Variants in COQ4 observed in about 807,000 individuals in gnomAD.
The protein encoded by COQ4 is coenzyme Q4.
A neutral mutation model predicts 30.2 loss-of-function variants in COQ4; 36 were observed. The ratio of observed to expected loss-of-function variants is 1.19; its 90% CI spans 0.91 to 1.57. The LOEUF is 1.57. Ranked by LOEUF, COQ4 falls within the 40% of genes most tolerant of loss-of-function variation. COQ4 has a pLI of 0.00. For synonymous variants in COQ4, 197 were observed against 161.0 expected, an observed-to-expected ratio of 1.22 and a Z score of -1.69; for missense variants, 369 against 371.9, an observed-to-expected ratio of 0.99 and a Z score of 0.07.
At chr9:128,330,099 G>A (rs1032954430) in intron 4 of COQ4, among the ~76,000 whole-genome samples, 3 of 151,976 alleles carry the variant, frequency 2.0e-5, no homozygotes, top group Non-Finnish European at 2.9e-5. Flanking sequence ...GGCTGGGCAC[G>A]GTGGCTCACA....
At chr9:128,330,010 A>G (rs1169236467) in intron 4 of COQ4, among the ~76,000 whole-genome samples, 1 of 152,156 alleles carries the variant, frequency 6.6e-6, no homozygotes, top group African/African-American at 2.4e-5. Context: ...AGGTAAAAGA[A>G]TAAGTGAAAC....
At chr9:128,327,336 G>A (rs1021711768) in intron 4 of COQ4, among the ~76,000 whole-genome samples, 1 of 151,850 alleles carries the variant, frequency 6.6e-6, no homozygotes, top group Non-Finnish European at 1.5e-5. Context: ...CCAGCTACTC[G>A]GGAGGCTGAG....
At chr9:128,327,365 C>T (rs1403507787) in intron 4 of COQ4, among the ~76,000 whole-genome samples, 1 of 152,014 alleles carries the variant, frequency 6.6e-6, no homozygotes, top group Non-Finnish European at 1.5e-5. Flanking sequence ...ATTGATTGAA[C>T]CCGGGAGGCA....
At chr9:128,327,408 A>T (rs1588540354) in intron 4 of COQ4, among the ~76,000 whole-genome samples, 1 of 152,210 alleles carries the variant, frequency 6.6e-6, no homozygotes, top group Non-Finnish European at 1.5e-5. Flanking sequence ...ACACCACTGC[A>T]CTCCAGCCTG....
At chr9:128,326,534 C>T (rs1367813153) in intron 4 of COQ4, 5 of 152,230 alleles carry the variant, frequency 3.3e-5, no homozygotes, top group Admixed American at 3.3e-4. Context: ...GCTCCGCCTC[C>T]CAGGTACACG....
Position 128,323,711 on chromosome 9 carries a change from G to C in COQ4, c.202+564G>C, listed in dbSNP as rs1238791429. 3 of 183,366 alleles carry C rather than the reference G, an allele frequency of 1.6e-5. No individual in the cohort carries two copies. In the East Asian group the frequency reaches 4.1e-4, roughly 25 times the overall value. The allele number at this position is 183,366 out of a possible 1,614,324, so 11.4% of individuals were successfully genotyped here. The stretch of plus-strand genomic sequence containing the variant: ...GTGGCTCACGCCTATAATCCCTATC[G>C]GGGGGCCGAAGCGGGCAGATGGCTT... On this transcript the variant is annotated intron_variant, in intron 2 of 6. Transcript: ENST00000300452.
Position 128,333,465 on chromosome 9 carries a change from G to T in COQ4, c.627-9G>T. The T allele has an allele frequency of 2.0e-6, 3 of 1,504,336 alleles. No homozygotes were observed. Among genetic ancestry groups the T allele is most frequent in the Non-Finnish European group, 8.9e-7 (1 of 1,127,216 alleles). The allele number at this position is 1,504,336 out of a possible 1,614,324, so 93.2% of individuals were successfully genotyped here. On this transcript the variant is annotated splice_polypyrimidine_tract_variant and intron_variant, in intron 6 of 6. Transcript: ENST00000300452. The stretch of plus-strand genomic sequence containing the variant: ...CTTGATGTTTTCTTTTTCCTCTGCT[G>T]CCCCACAGGAGCCTGCAAGTGCTGG...
intron 6 of COQ4, 57 bp downstream of exon 6, chr9:128,333,000 A>G (rs1832440997): frequency 2.3e-6 from 3 of 1,282,172 alleles, no homozygotes; most frequent in Non-Finnish European, 3.4e-6. Flanking sequence ...GACAGAACTC[A>G]GAGGGACCAG....
At chr9:128,329,979 G>C in intron 4 of COQ4, among the ~76,000 whole-genome samples, 1 of 152,152 alleles carries the variant, frequency 6.6e-6, no homozygotes, top group Non-Finnish European at 1.5e-5. Context: ...CATTCATCCA[G>C]GCCCTGGATC....
chr9:128,325,436 G>A (rs888071349), intron 3 of COQ4, among the ~76,000 whole-genome samples, 197 bp downstream of exon 3: 1 of 152,222 alleles, frequency 6.6e-6, no homozygotes, highest in Non-Finnish European at 1.5e-5. Flanking sequence ...TCCGAGTTGT[G>A]CAGTGTGATA....
intron 5 of COQ4, 72 bp downstream of exon 5, chr9:128,332,354 C>T (rs1832429142): frequency 6.5e-7 from 1 of 1,529,566 alleles, no homozygotes; most frequent in African/African-American, 1.4e-5. Flanking sequence ...TTGCCTATCT[C>T]CACCACCCTC....
Position 128,323,026 on chromosome 9 carries a change from C to G in COQ4, c.81C>G (p.Leu27=), listed in dbSNP as rs756669810. The G allele has an allele frequency of 8.4e-5, 136 of 1,611,936 alleles. No homozygotes were observed. The highest frequency in any genetic ancestry group is 1.1e-4 in the Non-Finnish European group (135 of 1,179,786). ...GLQRPAAEMP[L]RARSDGAGPL... ...TTTCTTGCCCCGCAGAAATGCCCCT[C>G]CGGGCTAGGAGCGACGGCGCCGGCC... Residue 27 remains leucine, a synonymous_variant, in exon 2 of 7, where the codon CTC becomes CTG. Coordinates refer to ENST00000300452, the MANE Select transcript of COQ4 (RefSeq NM_016035.5).
In COQ4 at chr9:128,333,604, G is replaced by A; in HGVS notation, c.757G>A (p.Gly253Ser). ...CCTGAGGGCTCTGCGGGAGGAGCTG[G>A]GCATTACAGCACCACCCATGCACGT... ...QSLRALREEL[G>S]ITAPPMHVQG... is the part of the protein sequence containing the mutation. Residue 253 changes from glycine (G) to serine (S), a missense_variant, in exon 7 of 7, where the codon GGC becomes AGC. Transcript: ENST00000300452. 6.2e-7 allele frequency: 1 copy of A among 1,603,564 alleles called. No individual in the cohort carries two copies. The highest frequency in any genetic ancestry group is 8.5e-7 in the Non-Finnish European group (1 of 1,176,218).
chr9:128,333,049 A>G (rs1832441977), intron 6 of COQ4, 106 bp downstream of exon 6: 1 of 806,036 alleles, frequency 1.2e-6, no homozygotes, highest in Non-Finnish European at 2.2e-6. Context: ...GCCCCTGCAC[A>G]GCCCGTTCCA....
intron 2 of COQ4, among the ~76,000 whole-genome samples, chr9:128,324,684 C>G (rs1832287066): frequency 6.6e-6 from 1 of 151,858 alleles, no homozygotes; most frequent in Non-Finnish European, 1.5e-5. Context: ...TGCCTGTAGT[C>G]CTAGCAGTGA....
chr9:128,325,213 G>A lies in COQ4; in HGVS notation c.273G>A (p.Arg91=), dbSNP rs1832297113. 6.2e-7 allele frequency: 1 copy of A among 1,613,998 alleles called. No individual in the cohort carries two copies. The highest frequency in any genetic ancestry group is 1.1e-5 in the South Asian group (1 of 91,062). The change falls in exon 3 of 7, where the codon AGG becomes AGA. Residue 91 remains arginine, a synonymous_variant. Coordinates refer to ENST00000300452, the MANE Select transcript of COQ4 (RefSeq NM_016035.5). The part of the protein sequence containing the change: ...TLKVLRDQMR[R]DPEGAQILQE... Reference sequence around the variant, plus strand: ...AGGTCCTCAGGGACCAGATGAGGAGGGATCCAGAGGGTGCCCAGATCCTGC... The same window carrying A: ...AGGTCCTCAGGGACCAGATGAGGAGAGATCCAGAGGGTGCCCAGATCCTGC...
Position 128,322,865 on chromosome 9 carries a change from A to G in COQ4, c.7A>G (p.Thr3Ala). Reference protein sequence around the residue: MATLLRPVLRRLC... With the variant: MAALLRPVLRRLC... ...TCCGCGGACGCCCGCTGCCATGGCGACTCTGCTGCGCCCTGTCCTCCGTCG... is the reference window on the plus strand; with the variant it reads ...TCCGCGGACGCCCGCTGCCATGGCGGCTCTGCTGCGCCCTGTCCTCCGTCG... Residue 3 changes from threonine to alanine, a missense_variant, in exon 1 of 7, where the codon ACT becomes GCT. Physicochemically the swap from Thr to Ala is moderately conservative, Grantham distance 58. Transcript: ENST00000300452. 2.6e-6 allele frequency: 4 copies of G among 1,568,400 alleles called. No individual in the cohort carries two copies. In the South Asian group the frequency reaches 3.4e-5, roughly 13 times the overall value.
chr9:128,322,870 G>C lies in COQ4; in HGVS notation c.12G>C (p.Leu4=), dbSNP rs756609628. The C allele has an allele frequency of 5.1e-6, 8 of 1,576,682 alleles. No homozygotes were observed. In the Admixed American group the frequency reaches 7.3e-5, roughly 14 times the overall value. Residue 4 remains leucine (L), a synonymous_variant, in exon 1 of 7, where the codon CTG becomes CTC. Coordinates refer to ENST00000300452, the MANE Select transcript of COQ4 (RefSeq NM_016035.5). MAT[L]LRPVLRRLCG... Reference sequence around the variant, plus strand: ...GGACGCCCGCTGCCATGGCGACTCTGCTGCGCCCTGTCCTCCGTCGGCTCT... The same window carrying C: ...GGACGCCCGCTGCCATGGCGACTCTCCTGCGCCCTGTCCTCCGTCGGCTCT...
intron 4 of COQ4, 56 bp downstream of exon 4, chr9:128,325,937 A>T: frequency 2.1e-6 from 3 of 1,425,650 alleles, no homozygotes; most frequent in Non-Finnish European, 3.0e-6. Context: ...GAGGAATAGC[A>T]CAGGCATGAC....
Sources: gnomAD v4.1 joint callset for allele counts (sites outside exome capture counted in the v4.1 genomes callset) on GRCh38, gnomAD v4.1.1 for gene constraint, MANE v1.5 for transcripts, NCBI Gene and HGNC (gene_info 2026-07-23, HGNC 2026-07-21) for gene names.